Variants in EFCC1 observed in about 807,000 individuals in gnomAD.
EFCC1 encodes the protein EF-hand and coiled-coil domain-containing protein 1.
In EFCC1, 50 loss-of-function variants were observed where a neutral mutation model predicts 52.1. The ratio of observed to expected loss-of-function variants is 0.96; its 90% CI spans 0.76 to 1.21. The LOEUF is 1.21. EFCC1 is among the 50% of genes most tolerant of loss of function. The pLI is 0.00. For missense variants in EFCC1, 837 were observed against 867.3 expected (o/e 0.97, Z 0.44); for synonymous variants, 399 against 396.5 (o/e 1.01, Z -0.08).
chr3:129,001,945 G>C lies in EFCC1; in HGVS notation c.317G>C (p.Arg106Thr). The C allele has an allele frequency of 6.5e-7, 1 of 1,543,724 alleles. No homozygotes were observed. ...CAGGCAGCAGGTGACGGGAACTCCAGAGATGTGACCCCCGGGGATGCGGCC... is the reference window on the plus strand; with the variant it reads ...CAGGCAGCAGGTGACGGGAACTCCACAGATGTGACCCCCGGGGATGCGGCC... ...AGQAAGDGNS[R>T]DVTPGDAAAE... Residue 106 changes from arginine to threonine, a missense_variant, in exon 1 of 8, where the codon AGA becomes ACA. Physicochemically the swap from Arg to Thr is moderately conservative, Grantham distance 71. Coordinates refer to ENST00000683648, the MANE Select transcript of EFCC1 (RefSeq NM_001377500.1).
rs1428292254 is a variant in EFCC1, at chr3:129,002,152, G to A, written c.524G>A (p.Arg175His). The change falls in exon 1 of 8, where the codon CGC (arginine) becomes CAC (histidine). Residue 175 changes from arginine (R) to histidine (H), a missense_variant. Physicochemically the swap from Arg to His is conservative, Grantham distance 29. Transcript: ENST00000683648. Reference sequence around the variant, plus strand: ...AGCGAGCACATCGAGACGCAGATCCGCCTGCGCCGTCCGCGCCGCCGCCGC... The same window carrying A: ...AGCGAGCACATCGAGACGCAGATCCACCTGCGCCGTCCGCGCCGCCGCCGC... Reference protein sequence around the residue: ...ALSEHIETQIRLRRPRRRRRP... With the variant: ...ALSEHIETQIHLRRPRRRRRP... 2.0e-6 allele frequency: 3 copies of A among 1,470,896 alleles called. No individual in the cohort carries two copies. Among genetic ancestry groups the A allele is most frequent in the African/African-American group, 1.5e-5 (1 of 67,554 alleles). The allele number at this position is 1,470,896 out of a possible 1,614,324, so 91.1% of individuals were successfully genotyped here.
chr3:129,025,345 AGAG>A (rs1354815782), intron 2 of EFCC1, among the ~76,000 whole-genome samples: 2 of 152,136 alleles, frequency 1.3e-5, no homozygotes, highest in South Asian at 2.1e-4. Flanking sequence ...GAGGAATCCC[AGAG>A]GAGAGCAGTC....
intron 2 of EFCC1, among the ~76,000 whole-genome samples, chr3:129,006,690 G>A (rs1394467101): frequency 6.6e-6 from 1 of 152,212 alleles, no homozygotes; most frequent in Admixed American, 6.5e-5. Flanking sequence ...ACCTAGTGAT[G>A]AGGAAATTGA....
chr3:129,019,601 A>G (rs1015790405), intron 2 of EFCC1, among the ~76,000 whole-genome samples: 11 of 152,316 alleles, frequency 7.2e-5, no homozygotes, highest in African/African-American at 2.4e-4. Flanking sequence ...AACTTTTAAT[A>G]TAAGTTGTAG....
chr3:129,024,004 C>CCCTGG (rs913712247), intron 2 of EFCC1, among the ~76,000 whole-genome samples: 4 of 152,156 alleles, frequency 2.6e-5, no homozygotes, highest in African/African-American at 9.7e-5. Context: ...CTGGTCTTGT[C>CCCTGG]CCTGGCCTGG....
chr3:129,028,526 G>C (rs7642885), intron 2 of EFCC1, among the ~76,000 whole-genome samples: 81,576 of 152,078 alleles, frequency 0.54, 23,551 homozygotes, highest in African/African-American at 0.76. Context: ...AGTGGTGCAC[G>C]CTTACCTTTA....
At chr3:129,033,042 G>A (rs1297029591) in intron 4 of EFCC1, 76 bp downstream of exon 4, 9 of 1,430,712 alleles carry the variant, frequency 6.3e-6, no homozygotes, top group Middle Eastern at 2.6e-4. Context: ...GAGCACCTGG[G>A]AGGCTGGTTA....
chr3:129,009,590 T>G (rs1264495035), intron 2 of EFCC1, among the ~76,000 whole-genome samples: 3 of 152,138 alleles, frequency 2.0e-5, no homozygotes, highest in Non-Finnish European at 4.4e-5. Context: ...TACCCACCAC[T>G]GGAGTGAGAG....
chr3:129,016,075 A>G (rs761135797), intron 2 of EFCC1, among the ~76,000 whole-genome samples: 3 of 152,204 alleles, frequency 2.0e-5, no homozygotes, highest in Non-Finnish European at 4.4e-5. Context: ...GACATTTTTC[A>G]TCTATTCCAG....
chr3:129,035,661 C>T (rs909068292), intron 5 of EFCC1, among the ~76,000 whole-genome samples: 3 of 152,200 alleles, frequency 2.0e-5, no homozygotes, highest in Admixed American at 6.5e-5. Flanking sequence ...CCAGTGAGAT[C>T]GGGTCTGCAC....
At chr3:129,039,013 T>C (rs1044496361) in intron 7 of EFCC1, 113 bp downstream of exon 7, 9 of 961,118 alleles carry the variant, frequency 9.4e-6, no homozygotes, top group Non-Finnish European at 1.5e-5. Context: ...AATCATGTTA[T>C]TCCTGCCCTG....
At chr3:129,027,145 T>G (rs1337516647) in intron 2 of EFCC1, among the ~76,000 whole-genome samples, 1 of 150,646 alleles carries the variant, frequency 6.6e-6, no homozygotes, top group African/African-American at 2.5e-5. Context: ...CGGAAACGCC[T>G]GCAGACGCCT....
chr3:129,035,690 C>T (rs1946345744), intron 5 of EFCC1, among the ~76,000 whole-genome samples: 1 of 152,200 alleles, frequency 6.6e-6, no homozygotes, highest in Non-Finnish European at 1.5e-5. Flanking sequence ...GCTTCTGGAA[C>T]CCTTGCACCG....
intron 2 of EFCC1, among the ~76,000 whole-genome samples, chr3:129,024,919 G>T (rs1175466462): frequency 1.3e-5 from 2 of 152,192 alleles, no homozygotes; most frequent in African/African-American, 2.4e-5. Flanking sequence ...CGAAGAACCA[G>T]GAGGATTTTC....
intron 2 of EFCC1, among the ~76,000 whole-genome samples, chr3:129,005,367 G>C (rs1036657775): frequency 2.0e-5 from 3 of 152,258 alleles, no homozygotes; most frequent in African/African-American, 7.2e-5. Context: ...CAAAGCCCTA[G>C]GGCAGAAGGG....
At chr3:129,003,564 G>A (rs1390852911) in intron 1 of EFCC1, among the ~76,000 whole-genome samples, 1 of 151,800 alleles carries the variant, frequency 6.6e-6, no homozygotes, top group Admixed American at 6.6e-5. Flanking sequence ...AACGTTGGGG[G>A]GTGGGGGATG....
chr3:129,021,427 C>T (rs556363618), intron 2 of EFCC1, among the ~76,000 whole-genome samples: 3 of 152,260 alleles, frequency 2.0e-5, no homozygotes, highest in African/African-American at 7.2e-5. Flanking sequence ...GGTGCTTAAG[C>T]TGCTGGCAGG....
At chr3:129,011,970 G>C (rs1014943349) in intron 2 of EFCC1, among the ~76,000 whole-genome samples, 7 of 152,220 alleles carry the variant, frequency 4.6e-5, no homozygotes, top group African/African-American at 1.7e-4. Context: ...GCACAGCCAG[G>C]CTGGATTCAG....
chr3:129,014,057 C>T lies in EFCC1; in HGVS notation c.980+9980C>T, dbSNP rs1945457411. On this transcript the variant is annotated intron_variant, in intron 2 of 7. Coordinates refer to ENST00000683648, the MANE Select transcript of EFCC1 (RefSeq NM_001377500.1). This position sits in a 1 kb window ranked among gnomAD's most constrained non-coding sequence, Gnocchi z 4.3. ...AGACCCAGGAAGGGGCAGACAGAGT[C>T]TTCAGGCTCTTCATTTTGCCTCTTC... Among the ~76,000 whole-genome samples, 1 of 152,230 alleles carries T rather than the reference C, an allele frequency of 6.6e-6. No homozygotes were observed. The highest frequency in any genetic ancestry group is 2.4e-5 in the African/African-American group (1 of 41,454).
Sources: gnomAD v4.1 joint callset for allele counts (sites outside exome capture counted in the v4.1 genomes callset) on GRCh38, gnomAD v4.1.1 for gene constraint, Gnocchi (gnomAD v3.1) non-coding constraint, MANE v1.5 for transcripts, NCBI Gene and HGNC (gene_info 2026-07-23, HGNC 2026-07-21) for gene names.